LRTM1: variants seen among roughly 807,000 people sequenced by gnomAD.
LRTM1 encodes the protein leucine rich repeat transmembrane protein 1.
Under a neutral mutation model 32.4 loss-of-function variants are expected in LRTM1, and 38 were observed. The observed-to-expected ratio is 1.17, with a 90% CI of 0.91 to 1.54. The LOEUF (loss-of-function observed/expected upper bound fraction) is 1.54. Ranked by LOEUF, LRTM1 falls within the 40% of genes most tolerant of loss-of-function variation. The pLI, the probability that LRTM1 is intolerant of heterozygous loss-of-function variation, is 0.00. For synonymous variants in LRTM1, 186 were observed against 169.9 expected (o/e 1.09, Z -0.74); for missense variants, 466 against 415.4 (o/e 1.12, Z -1.06).
At chr3:54,925,345 G>T in intron 1 of LRTM1, 130 bp from the exon 2 acceptor site, 1 of 713,148 alleles carries the variant, frequency 1.4e-6, no homozygotes, top group East Asian at 2.6e-5. Context: ...TGCAAGAGAG[G>T]TTCTGTCACT....
At chr3:54,937,145 G>A (rs548706849) in intron 1 of LRTM1, among the ~76,000 whole-genome samples, 29 of 152,260 alleles carry the variant, frequency 1.9e-4, no homozygotes, top group East Asian at 7.7e-4. Context: ...TTAAAAATAA[G>A]GTGTGCTCAA....
chr3:54,921,492 A>G (rs746098148), intron 2 of LRTM1, among the ~76,000 whole-genome samples: 43 of 152,086 alleles, frequency 2.8e-4, no homozygotes, highest in Non-Finnish European at 5.1e-4. Flanking sequence ...TTTGGAGGAG[A>G]TATTATTATG....
chr3:54,938,854 G>C (rs1249545769), intron 1 of LRTM1, among the ~76,000 whole-genome samples: 1 of 152,172 alleles, frequency 6.6e-6, no homozygotes, highest in African/African-American at 2.4e-5. Context: ...TTGAGTTTGG[G>C]CATGTGGACA....
At chr3:54,947,582 G>C (rs1418821217) in intron 1 of LRTM1, among the ~76,000 whole-genome samples, 1 of 152,082 alleles carries the variant, frequency 6.6e-6, no homozygotes, top group East Asian at 1.9e-4. Context: ...CCCCACAGTG[G>C]CCTGATGCCC....
At chr3:54,933,339 C>G (rs1177646249) in intron 1 of LRTM1, among the ~76,000 whole-genome samples, 1 of 152,200 alleles carries the variant, frequency 6.6e-6, no homozygotes, top group South Asian at 2.1e-4. Context: ...TTTCTCTTAT[C>G]ACAGTCTAGT....
chr3:54,928,604 C>T (rs1401943242), upstream of LRTM1, among the ~76,000 whole-genome samples: 2 of 152,162 alleles, frequency 1.3e-5, no homozygotes, highest in African/African-American at 2.4e-5. Context: ...CCCTGAAATT[C>T]ATAGCCATGG....
At chr3:54,925,375 A>T (rs971482524) in intron 1 of LRTM1, among the ~76,000 whole-genome samples, 160 bp from the exon 2 acceptor site, 1 of 152,204 alleles carries the variant, frequency 6.6e-6, no homozygotes, top group Non-Finnish European at 1.5e-5. Flanking sequence ...TAGTAGAGCC[A>T]GGCTGGTCAG....
At chr3:54,944,814 GGTGTGTGT>G (rs34193625) in intron 1 of LRTM1, among the ~76,000 whole-genome samples, 68 of 111,410 alleles carry the variant, frequency 6.1e-4, no homozygotes, top group Non-Finnish European at 8.6e-4. Flanking sequence ...TAGAGCTGGG[GGTGTGTGT>G]GTGTGTGTGT....
rs749421719 is a variant in LRTM1, at chr3:54,924,655, C to T, written c.568G>A (p.Gly190Ser). ...AATTTCTCCAGCCAGAGTTTAAGAC[C>T]GAGCAAGTGGCAATTGCATTTCCAG... Reference protein sequence around the residue: ...NLWKCNCHLLGLKLWLEKFVY... With the variant: ...NLWKCNCHLLSLKLWLEKFVY... The change falls in exon 2 of 3, where the codon GGT becomes AGT. Residue 190 changes from glycine (G) to serine (S), a missense_variant. Transcript: ENST00000273286. The T allele has an allele frequency of 2.2e-5, 36 of 1,614,030 alleles. No homozygotes were observed. In the Admixed American group the frequency reaches 3.7e-4, roughly 16 times the overall value.
At chr3:54,950,880 G>A (rs1701741246) in intron 1 of LRTM1, among the ~76,000 whole-genome samples, 1 of 152,178 alleles carries the variant, frequency 6.6e-6, no homozygotes, top group Non-Finnish European at 1.5e-5. Context: ...CAGGAGAGGA[G>A]AGCCACAGAC....
chr3:54,936,458 T>C (rs1223642758), intron 1 of LRTM1, among the ~76,000 whole-genome samples: 3 of 152,160 alleles, frequency 2.0e-5, no homozygotes, highest in Non-Finnish European at 4.4e-5. Flanking sequence ...GGAAAGTTGA[T>C]TGTTAGTATC....
At chr3:54,930,221 G>A (rs1559634357), upstream of LRTM1, among the ~76,000 whole-genome samples, 2 of 152,072 alleles carry the variant, frequency 1.3e-5, no homozygotes, top group Admixed American at 6.6e-5. Context: ...GCTCTCACTA[G>A]TCCACCACCC....
chr3:54,955,274 G>A (rs1253510497), intron 1 of LRTM1, among the ~76,000 whole-genome samples: 2 of 152,032 alleles, frequency 1.3e-5, no homozygotes, highest in South Asian at 2.1e-4. Flanking sequence ...CAGGGACAAA[G>A]GTTGTCTTAT....
At chr3:54,956,434 C>T (rs143605611) in intron 1 of LRTM1, among the ~76,000 whole-genome samples, 42 of 152,358 alleles carry the variant, frequency 2.8e-4, no homozygotes, top group East Asian at 2.5e-3. Flanking sequence ...TTTTAACCTT[C>T]CTGTCTTTGT....
At position 54,943,249 on chromosome 3, in the gene LRTM1, A is replaced by G. The variant is rs1163606871; in HGVS notation, c.-221-18034T>C. ...TAATAACAATGTTTTTTAAAAAAGA[A>G]AAAAATCATGCCCTGATCCATCATT... On this transcript the variant is annotated intron_variant, in intron 1 of 2. Coordinates refer to the LRTM1 transcript ENST00000493075. Among the ~76,000 whole-genome samples, 3 of 152,158 alleles carry G rather than the reference A, an allele frequency of 2.0e-5. No homozygotes were observed. In the East Asian group the frequency reaches 5.8e-4, roughly 29 times the overall value.
intron 1 of LRTM1, among the ~76,000 whole-genome samples, chr3:54,937,841 G>A (rs1490484154): frequency 6.6e-6 from 1 of 152,138 alleles, no homozygotes; most frequent in South Asian, 2.1e-4. Flanking sequence ...AGCACAGAGG[G>A]TGAGGAAGGA....
At chr3:54,936,587 T>C (rs1701335589) in intron 1 of LRTM1, among the ~76,000 whole-genome samples, 1 of 152,190 alleles carries the variant, frequency 6.6e-6, no homozygotes, top group African/African-American at 2.4e-5. Flanking sequence ...GCAATAGTGA[T>C]GTTCTCATCT....
chr3:54,964,996 C>T (rs936034686), intron 1 of LRTM1, among the ~76,000 whole-genome samples: 1 of 152,082 alleles, frequency 6.6e-6, no homozygotes, highest in Non-Finnish European at 1.5e-5. Context: ...AAAATATAAA[C>T]CTGATCCTGC....
chr3:54,951,460 G>GC, intron 1 of LRTM1, among the ~76,000 whole-genome samples: 2 of 152,358 alleles, frequency 1.3e-5, no homozygotes, highest in Middle Eastern at 6.8e-3. Flanking sequence ...TTGGTGTGCG[G>GC]CCCGGGGGCA....
Sources: gnomAD v4.1 joint callset for allele counts (sites outside exome capture counted in the v4.1 genomes callset) on GRCh38, gnomAD v4.1.1 for gene constraint, MANE v1.5 for transcripts, NCBI Gene and HGNC (gene_info 2026-07-23, HGNC 2026-07-21) for gene names.